The following DNAH9 variants were observed in gnomAD, a reference collection of about 807,000 sequenced individuals.
DNAH9 encodes DNAH9 variant protein.
A neutral mutation model predicts 471.6 loss-of-function variants in DNAH9; 345 were observed. That is an observed-to-expected ratio of 0.73 (90% CI 0.67 to 0.80). The LOEUF is 0.80. Among genes scored for constraint, DNAH9 ranks in the 30% least tolerant of loss-of-function variants. The pLI is 0.00. For synonymous variants in DNAH9, 2,093 were observed against 2,123.6 expected, an observed-to-expected ratio of 0.99 and a Z score of 0.40; for missense variants, 5,407 against 5,609.2, an observed-to-expected ratio of 0.96 and a Z score of 1.15.
chr17:11,649,851 C>T (rs1166672083), intron 12 of DNAH9, among the ~76,000 whole-genome samples: 1 of 152,120 alleles, frequency 6.6e-6, no homozygotes, highest in East Asian at 1.9e-4. Context: ...TGGAAGTACC[C>T]TCTCTTCCTG....
rs1974544501 is a variant in DNAH9 at position 11,932,287 on chromosome 17, T to C, written c.12297+82T>C. ...AATTTTGAGGGGTGAATCAGAGGGG[T>C]CTAGGATGGGGCCTGAGAATGTGCA... On this transcript the variant is annotated intron_variant, in intron 64 of 68. Coordinates refer to ENST00000262442, the MANE Select transcript of DNAH9 (RefSeq NM_001372.4). This position sits in a 1 kb window ranked among gnomAD's most constrained non-coding sequence, Gnocchi z 4.3. 1 of 1,400,658 alleles carries C rather than the reference T, an allele frequency of 7.1e-7. No individual in the cohort carries two copies. Among genetic ancestry groups the C allele is most frequent in the Non-Finnish European group, 9.7e-7 (1 of 1,028,944 alleles). The allele number at this position is 1,400,658 out of a possible 1,614,324, so 86.8% of individuals were successfully genotyped here. A position where few individuals can be genotyped will look rare whatever the true frequency, so the allele number is the denominator to read the frequency against.
chr17:11,644,557 C>A, intron 10 of DNAH9, 74 bp from the exon 11 acceptor site: 1 of 1,083,412 alleles, frequency 9.2e-7, no homozygotes. Context: ...TCTTTGGAGA[C>A]TGCAGTTTGT....
At chr17:11,768,290 C>T (rs1433023726) in intron 36 of DNAH9, among the ~76,000 whole-genome samples, 163 bp from the exon 37 acceptor site, 1 of 152,192 alleles carries the variant, frequency 6.6e-6, no homozygotes, top group Non-Finnish European at 1.5e-5. Context: ...AGGGTTGACC[C>T]TTGGGGCAGC....
chr17:11,773,755 A>T (rs1279561609), intron 38 of DNAH9, among the ~76,000 whole-genome samples: 1 of 152,200 alleles, frequency 6.6e-6, no homozygotes, highest in African/African-American at 2.4e-5. Context: ...AAAACAATAT[A>T]ACAGATGCCA....
intron 38 of DNAH9, among the ~76,000 whole-genome samples, chr17:11,775,458 G>A (rs1239807204): frequency 1.3e-5 from 2 of 151,956 alleles, no homozygotes. Flanking sequence ...ATAATGTTTT[G>A]GGAAAAAATA....
At chr17:11,649,221 AT>A (rs1237533387) in intron 12 of DNAH9, among the ~76,000 whole-genome samples, 1 of 152,144 alleles carries the variant, frequency 6.6e-6, no homozygotes, top group Non-Finnish European at 1.5e-5. Flanking sequence ...CAGGATAAGA[AT>A]TGTATAGGTT....
At chr17:11,752,806 A>G in intron 32 of DNAH9, 27 bp from the exon 33 acceptor site, 1 of 1,524,642 alleles carries the variant, frequency 6.6e-7, no homozygotes, top group South Asian at 1.3e-5. Context: ...AAGAAATGGA[A>G]AATAAGGTGT....
At chr17:11,856,841 A>G (rs926693930) in intron 50 of DNAH9, among the ~76,000 whole-genome samples, 1 of 152,198 alleles carries the variant, frequency 6.6e-6, no homozygotes, top group African/African-American at 2.4e-5. Flanking sequence ...AAAGAACATC[A>G]CATGCAAGAC....
intron 28 of DNAH9, among the ~76,000 whole-genome samples, chr17:11,729,367 A>AT (rs2075218322): frequency 6.6e-6 from 1 of 152,222 alleles, no homozygotes; most frequent in Non-Finnish European, 1.5e-5. Flanking sequence ...AAGCAATCAC[A>AT]AGGGCACCAT....
chr17:11,921,816 C>A (rs1219243380), intron 61 of DNAH9, among the ~76,000 whole-genome samples: 2 of 152,150 alleles, frequency 1.3e-5, no homozygotes, highest in Non-Finnish European at 2.9e-5. Context: ...GCAGACTGAT[C>A]CCAGCCGGGC....
At chr17:11,952,320 T>G (rs1157872959) in intron 67 of DNAH9, among the ~76,000 whole-genome samples, 1 of 96,514 alleles carries the variant, frequency 1.0e-5, no homozygotes, top group African/African-American at 3.5e-5. Context: ...TTTTTTTTTT[T>G]TTTTTTTTTT....
chr17:11,824,152 G>A (rs534551111), intron 48 of DNAH9, among the ~76,000 whole-genome samples: 38 of 152,146 alleles, frequency 2.5e-4, no homozygotes, highest in African/African-American at 8.9e-4. Flanking sequence ...TTCTCCAGCA[G>A]CAGAGCCAGC....
chr17:11,786,497 TTGAC>T (rs770527798), intron 41 of DNAH9, among the ~76,000 whole-genome samples: 41 of 152,308 alleles, frequency 2.7e-4, no homozygotes, highest in East Asian at 2.1e-3. Context: ...ATAGCCAACA[TTGAC>T]TGAGCACAGT....
At chr17:11,807,238 G>T (rs924327909) in intron 43 of DNAH9, among the ~76,000 whole-genome samples, 1 of 152,190 alleles carries the variant, frequency 6.6e-6, no homozygotes, top group African/African-American at 2.4e-5. Context: ...TTTCTCTCCT[G>T]CTGACTTTGG....
intron 62 of DNAH9, among the ~76,000 whole-genome samples, chr17:11,927,926 T>C (rs2151032763): frequency 6.6e-6 from 1 of 152,288 alleles, no homozygotes; most frequent in Admixed American, 6.5e-5. Context: ...ATTACCCACA[T>C]GTAGGTTGCT....
At position 11,878,124 on chromosome 17, in the gene DNAH9, C is replaced by T. The variant is rs148410409; in HGVS notation, c.10479-1954C>T. Among the ~76,000 whole-genome samples, 128 of 152,362 alleles carry T rather than the reference C, an allele frequency of 8.4e-4. 2 individuals carry two copies. In the East Asian group the frequency reaches 0.023, roughly 27 times the overall value. ...CTTTAATTAAAATATTCTTTTCCAG[C>T]TGACTAACAATGCATTTTAGACAGG... On this transcript the variant is annotated intron_variant, in intron 53 of 68. Transcript: ENST00000262442.
chr17:11,648,732 G>T (rs1318386474), intron 12 of DNAH9, among the ~76,000 whole-genome samples: 2 of 152,096 alleles, frequency 1.3e-5, no homozygotes, highest in Non-Finnish European at 2.9e-5. Context: ...AAACTATAAT[G>T]TGAGTTGATG....
chr17:11,942,153 C>T (rs543061521), intron 66 of DNAH9, 150 bp from the exon 67 acceptor site: 21 of 1,137,430 alleles, frequency 1.8e-5, no homozygotes, highest in African/African-American at 3.1e-5. Flanking sequence ...TAGTTGACCT[C>T]GACAAGCAGG....
chr17:11,889,487 G>GA (rs1555616071), intron 57 of DNAH9, among the ~76,000 whole-genome samples: 3 of 152,020 alleles, frequency 2.0e-5, no homozygotes, highest in Admixed American at 2.0e-4. Context: ...AAGGGATGCT[G>GA]CCCCCCTAGA....
Sources: allele counts gnomAD v4.1 joint callset (sites outside exome capture counted in the v4.1 genomes callset), GRCh38; gene constraint gnomAD v4.1.1; non-coding constraint Gnocchi (gnomAD v3.1); transcripts MANE v1.5; gene names NCBI Gene and HGNC (gene_info 2026-07-23, HGNC 2026-07-21).